ATF7IP2: variants seen among roughly 807,000 people sequenced by gnomAD.
ATF7IP2 encodes activating transcription factor 7-interacting protein 2.
Under a neutral mutation model 64.2 loss-of-function variants are expected in ATF7IP2, and 42 were observed. That is an observed-to-expected ratio of 0.65 (90% CI 0.51 to 0.85). ATF7IP2 has a LOEUF of 0.85. Among genes scored for constraint, ATF7IP2 ranks in the 40% least tolerant of loss-of-function variants. The probability of loss-of-function intolerance (pLI) is 0.00; values close to 1 mark genes in which losing one functional copy is unlikely to be tolerated. For missense variants in ATF7IP2, 933 were observed against 784.2 expected (o/e 1.19, Z -2.27); for synonymous variants, 308 against 272.8 (o/e 1.13, Z -1.27).
intron 1 of ATF7IP2, among the ~76,000 whole-genome samples, chr16:10,407,827 T>G (rs1044058490): frequency 6.6e-6 from 1 of 152,138 alleles, no homozygotes; most frequent in Non-Finnish European, 1.5e-5. Flanking sequence ...TGTATCATTC[T>G]TAGGCCTTTA....
At position 10,394,965 on chromosome 16, in the gene ATF7IP2, A is replaced by G. The variant is rs544001207; in HGVS notation, c.-242+8843A>G. ...AGAAGAACAAACTGAGCCTGAAGTC[A>G]GCAGAATGTAGGAAAAAATTAGTGT... is the stretch of plus-strand genomic sequence containing the variant. On this transcript the variant is annotated intron_variant, in intron 1 of 13. Transcript: ENST00000562102. 3.6e-4 allele frequency among the ~76,000 whole-genome samples: 55 copies of G among 152,244 alleles called. No individual in the cohort carries two copies. In the East Asian group the frequency reaches 4.2e-3, roughly 12 times the overall value.
intron 1 of ATF7IP2, among the ~76,000 whole-genome samples, chr16:10,411,811 T>G (rs1001448315): frequency 2.0e-5 from 3 of 152,080 alleles, no homozygotes; most frequent in African/African-American, 7.2e-5. Flanking sequence ...CTAGTTTATA[T>G]GCATAAAGGT....
At chr16:10,469,589 A>G (rs2049712370) in intron 9 of ATF7IP2, among the ~76,000 whole-genome samples, 3 of 152,170 alleles carry the variant, frequency 2.0e-5, no homozygotes, top group Admixed American at 2.0e-4. Flanking sequence ...AGTCTGACCA[A>G]CATGGAGAAA....
chr16:10,436,470 A>C (rs182573947), intron 6 of ATF7IP2, among the ~76,000 whole-genome samples: 2 of 152,232 alleles, frequency 1.3e-5, no homozygotes, highest in African/African-American at 4.8e-5. Context: ...AATGACAATC[A>C]TGTCTAATGT....
At chr16:10,453,087 A>G (rs1425532968) in intron 8 of ATF7IP2, among the ~76,000 whole-genome samples, 1 of 152,174 alleles carries the variant, frequency 6.6e-6, no homozygotes, top group Non-Finnish European at 1.5e-5. Context: ...TTGCAGGAAG[A>G]GTGAACGGTT....
chr16:10,424,558 A>G (rs1236065653), intron 3 of ATF7IP2, among the ~76,000 whole-genome samples: 1 of 152,234 alleles, frequency 6.6e-6, no homozygotes, highest in Non-Finnish European at 1.5e-5. Flanking sequence ...AAGACAATCC[A>G]TATAATGCGA....
At chr16:10,426,783 C>G (rs988066945) in intron 3 of ATF7IP2, among the ~76,000 whole-genome samples, 1 of 151,618 alleles carries the variant, frequency 6.6e-6, no homozygotes, top group African/African-American at 2.4e-5. Context: ...TAGGAAGAGC[C>G]TAATAAGATA....
chr16:10,399,161 CA>C (rs2047478526), intron 1 of ATF7IP2, among the ~76,000 whole-genome samples: 1 of 152,024 alleles, frequency 6.6e-6, no homozygotes, highest in African/African-American at 2.4e-5. Context: ...TCTGACTAGT[CA>C]GTAACAATAT....
rs1567184025 is a variant in ATF7IP2, at chr16:10,481,861, C to T, written c.1661C>T (p.Pro554Leu). 2 of 1,598,014 alleles carry T rather than the reference C, an allele frequency of 1.3e-6. No individual in the cohort carries two copies. Among genetic ancestry groups the T allele is most frequent in the Non-Finnish European group, 1.7e-6 (2 of 1,174,882 alleles). ...VQVPESFEHL[P>L]PLPEPPAPLP... ...GTTCCTGAGTCCTTTGAGCACCTGC[C>T]ACCTCTCCCAGAACCACCAGCACCA... Residue 554 changes from proline to leucine, a missense_variant, in exon 14 of 14, where the codon CCA becomes CTA. By Grantham distance (98) the Pro-to-Leu change is moderately conservative (BLOSUM62 -3). Transcript: ENST00000562102.
At chr16:10,466,519 T>C (rs1022611148) in intron 9 of ATF7IP2, among the ~76,000 whole-genome samples, 4 of 152,176 alleles carry the variant, frequency 2.6e-5, no homozygotes, top group African/African-American at 9.7e-5. Context: ...TTACTGCGTA[T>C]CCTTGCCAAC....
chr16:10,473,586 A>C lies in ATF7IP2; in HGVS notation c.1482+52A>C, dbSNP rs753843827. 7.7e-6 allele frequency: 10 copies of C among 1,300,012 alleles called. No individual in the cohort carries two copies. The South Asian group carries it at 1.3e-4, about 17-fold the overall frequency. The allele number at this position is 1,300,012 out of a possible 1,614,324, so 80.5% of individuals were successfully genotyped here. ...ATTGTTTATTTAAATATGTTAGTTCAAGGAACTTTAGTGTTTGCTACATGT... is the reference window on the plus strand; with the variant it reads ...ATTGTTTATTTAAATATGTTAGTTCCAGGAACTTTAGTGTTTGCTACATGT... On this transcript the variant is annotated intron_variant, in intron 11 of 13. Coordinates refer to ENST00000562102, the MANE Select transcript of ATF7IP2 (RefSeq NM_001393719.1).
chr16:10,442,725 C>T (rs146080448), intron 8 of ATF7IP2, among the ~76,000 whole-genome samples: 1 of 151,562 alleles, frequency 6.6e-6, no homozygotes, highest in Admixed American at 6.6e-5. Context: ...GATACAGACT[C>T]CATCTTTTTC....
chr16:10,425,538 G>A (rs1200602340), intron 3 of ATF7IP2, among the ~76,000 whole-genome samples: 1 of 152,062 alleles, frequency 6.6e-6, no homozygotes, highest in Non-Finnish European at 1.5e-5. Context: ...AAATTCTGTT[G>A]AAAGACAAAT....
intron 12 of ATF7IP2, among the ~76,000 whole-genome samples, chr16:10,480,607 A>G (rs1030844053): frequency 2.0e-5 from 3 of 150,658 alleles, no homozygotes; most frequent in Non-Finnish European, 4.4e-5. Context: ...ATCATTTATC[A>G]GAGATCTCTG....
chr16:10,409,165 T>C (rs2047701724), intron 1 of ATF7IP2, among the ~76,000 whole-genome samples: 1 of 152,032 alleles, frequency 6.6e-6, no homozygotes, highest in African/African-American at 2.4e-5. Flanking sequence ...GATTGGCTAT[T>C]TGTGGATATT....
At chr16:10,428,491 C>A (rs2048139565) in intron 3 of ATF7IP2, among the ~76,000 whole-genome samples, 1 of 152,142 alleles carries the variant, frequency 6.6e-6, no homozygotes, top group Non-Finnish European at 1.5e-5. Context: ...ACCTTGATTT[C>A]TTCTTTGTGT....
Position 10,480,929 on chromosome 16 carries a change from A to G in ATF7IP2, c.1600A>G (p.Lys534Glu), listed in dbSNP as rs765212986. 36 of 1,613,028 alleles carry G rather than the reference A, an allele frequency of 2.2e-5. No individual in the cohort carries two copies. The highest frequency in any genetic ancestry group is 2.7e-5 in the Non-Finnish European group (32 of 1,179,154). Residue 534 changes from lysine to glutamate, a missense_variant, in exon 13 of 14, where the codon AAG becomes GAG. Transcript: ENST00000562102. ...ACATTCGAAAGCTGCTTCAAACTCA[A>G]AGGAAACAACCCCATTGGCACAAAA... ...ESHSKAASNS[K>E]ETTPLAQNAV... is the part of the protein sequence containing the mutation.
chr16:10,443,974 C>T (rs1199824829), intron 8 of ATF7IP2, among the ~76,000 whole-genome samples: 1 of 152,118 alleles, frequency 6.6e-6, no homozygotes, highest in Non-Finnish European at 1.5e-5. Flanking sequence ...TAAACACGTT[C>T]CCAAGAGCTA....
chr16:10,474,089 T>C (rs2049913234), intron 12 of ATF7IP2, 100 bp downstream of exon 12: 5 of 753,866 alleles, frequency 6.6e-6, no homozygotes, highest in East Asian at 5.3e-5. Flanking sequence ...AATATGTGAG[T>C]GTGCCTATGT....
Sources: gnomAD v4.1 joint callset for allele counts (sites outside exome capture counted in the v4.1 genomes callset) on GRCh38, gnomAD v4.1.1 for gene constraint, MANE v1.5 for transcripts, NCBI Gene and HGNC (gene_info 2026-07-23, HGNC 2026-07-21) for gene names.